CTSF: variants seen among roughly 807,000 people sequenced by gnomAD.
CTSF encodes cathepsin F.
CTSF carries 65 observed loss-of-function variants against 63.5 expected under a neutral mutation model. The ratio of observed to expected loss-of-function variants is 1.02; its 90% CI spans 0.84 to 1.26. The LOEUF (loss-of-function observed/expected upper bound fraction) is 1.26. Ranked by LOEUF, CTSF falls within the 50% of genes most tolerant of loss-of-function variation. The pLI is 0.00. For missense variants in CTSF, 641 were observed against 631.0 expected (o/e 1.02, Z -0.17); for synonymous variants, 256 against 258.1 (o/e 0.99, Z 0.08).
Position 66,566,373 on chromosome 11 carries a change from A to T in CTSF, c.639T>A (p.Asn213Lys), listed in dbSNP as rs146697999. Reference protein sequence around the residue: ...EARWRLSVFVNNMVRAQKIQA... With the variant: ...EARWRLSVFVKNMVRAQKIQA... ...GGATCTTCTGTGCTCGCACCATGTT[A>T]TTGACAAAGACGGACAGGCGCCACC... The change falls in exon 5 of 13, where the codon AAT becomes AAA. Residue 213 changes from asparagine (N) to lysine (K), a missense_variant. By Grantham distance (94) the Asn-to-Lys change is moderately conservative (BLOSUM62 0). Coordinates refer to ENST00000310325, the MANE Select transcript of CTSF (RefSeq NM_003793.4). The T allele has an allele frequency of 1.3e-5, 21 of 1,613,958 alleles. No homozygotes were observed. In the African/African-American group the frequency reaches 2.7e-4, roughly 21 times the overall value.
In CTSF at chr11:66,565,865, G is replaced by A; in HGVS notation, c.930C>T (p.Leu310=). Reference sequence around the variant, plus strand: ...AGAGGGAGAGCAGGGTCCCCTGGTTGAGAAACCACTGGCCCTCCACATTGC... The same window carrying A: ...AGAGGGAGAGCAGGGTCCCCTGGTTAAGAAACCACTGGCCCTCCACATTGC... ...VTGNVEGQWF[L]NQGTLLSLSE... Residue 310 remains leucine, a synonymous_variant, in exon 7 of 13, where the codon CTC becomes CTT. Coordinates refer to ENST00000310325, the MANE Select transcript of CTSF (RefSeq NM_003793.4). 6.2e-7 allele frequency: 1 copy of A among 1,614,048 alleles called. No homozygotes were observed.
Position 66,568,076 on chromosome 11 carries a change from G to GAC in CTSF, c.218_219dup (p.Gln74ValfsTer75), listed in dbSNP as rs1311704639. 4 of 1,591,594 alleles carry GAC rather than the reference G, an allele frequency of 2.5e-6. No homozygotes were observed. The highest frequency in any genetic ancestry group is 1.7e-4 in the Middle Eastern group (1 of 5,898). The stretch of plus-strand genomic sequence containing the variant: ...GCCTCCAGGGAGTACAGCGACCCCT[G>GAC]ACCCGCCTGGAGAGAGGAGTAGGTG... On this transcript the variant is annotated frameshift_variant, in exon 2 of 13. Coordinates refer to ENST00000310325, the MANE Select transcript of CTSF (RefSeq NM_003793.4). LOFTEE classifies it high-confidence loss of function.
At position 66,563,980 on chromosome 11, in the gene CTSF, C is replaced by T. The variant is rs201552564; in HGVS notation, c.1408G>A (p.Gly470Arg). ...GCCATGGTGTTCACGCCACAGGCCCCGGACCCACGATGCAAGTAGTAGTAA... is the reference window on the plus strand; with the variant it reads ...GCCATGGTGTTCACGCCACAGGCCCTGGACCCACGATGCAAGTAGTAGTAA... ...KGYYYLHRGS[G>R]ACGVNTMASS... The change falls in exon 13 of 13, where the codon GGG becomes AGG. Residue 470 changes from glycine to arginine, a missense_variant. Physicochemically the swap from Gly to Arg is moderately radical, Grantham distance 125. Coordinates refer to ENST00000310325, the MANE Select transcript of CTSF (RefSeq NM_003793.4). The T allele has an allele frequency of 2.2e-5, 35 of 1,613,804 alleles. No homozygotes were observed. Among genetic ancestry groups the T allele is most frequent in the African/African-American group, 4.0e-5 (3 of 75,036 alleles).
chr11:66,566,817 A>G, intron 4 of CTSF, among the ~76,000 whole-genome samples: 1 of 151,288 alleles, frequency 6.6e-6, no homozygotes, highest in East Asian at 1.9e-4. Flanking sequence ...TCCGCCTCCC[A>G]GGTTCAAGTG....
At chr11:66,564,280 G>T in intron 11 of CTSF, 134 bp from the exon 12 acceptor site, 1 of 1,171,706 alleles carries the variant, frequency 8.5e-7, no homozygotes, top group Non-Finnish European at 1.2e-6. Flanking sequence ...GAAAGCGAGG[G>T]GCCCACCTAC....
rs1325361491 is a variant in CTSF at position 66,566,462 on chromosome 11, C to T, written c.608-58G>A. 3 of 1,526,430 alleles carry T rather than the reference C, an allele frequency of 2.0e-6. No homozygotes were observed. In the Admixed American group the frequency reaches 5.4e-5, roughly 27 times the overall value. The allele number at this position is 1,526,430 out of a possible 1,614,324, so 94.6% of individuals were successfully genotyped here. On this transcript the variant is annotated intron_variant, in intron 4 of 12. Coordinates refer to ENST00000310325, the MANE Select transcript of CTSF (RefSeq NM_003793.4). ...GACCCCAGGCAGATAAAAGGAAGGG[C>T]AATTGGGGCTAGCAGGCAGGGGTTT...
Position 66,567,547 on chromosome 11 carries a change from T to C in CTSF, c.428A>G (p.Gln143Arg). The C allele has an allele frequency of 6.2e-7, 1 of 1,614,212 alleles. No homozygotes were observed. Among genetic ancestry groups the C allele is most frequent in the Non-Finnish European group, 8.5e-7 (1 of 1,180,036 alleles). The change falls in exon 3 of 13, where the codon CAG (glutamine) becomes CGG (arginine). Residue 143 changes from glutamine (Q) to arginine (R), a missense_variant. By Grantham distance (43) the Gln-to-Arg change is conservative (BLOSUM62 1). Transcript: ENST00000310325. ...CAGAGAAGAAATCATGGCTGAGCCC[T>C]GAGTGAAGGCTGACTTGGGCTCCCC... ...GAGEPKSAFT[Q>R]GSAMISSLSQ...
intron 11 of CTSF, 148 bp from the exon 12 acceptor site, chr11:66,564,294 C>A: frequency 1.9e-6 from 2 of 1,054,156 alleles, no homozygotes; most frequent in Non-Finnish European, 2.7e-6. Context: ...CACCTACCAG[C>A]CTCAGGGAGA....
intron 2 of CTSF, 150 bp downstream of exon 2, chr11:66,567,834 A>AT: frequency 7.3e-7 from 1 of 1,361,948 alleles, no homozygotes; most frequent in Non-Finnish European, 9.9e-7. Context: ...CCTTCATAGC[A>AT]TCTTGGTTTC....
intron 2 of CTSF, 32 bp from the exon 3 acceptor site, chr11:66,567,694 C>CCTGGAT (rs756076962): frequency 7.5e-6 from 12 of 1,598,044 alleles, no homozygotes; most frequent in South Asian, 6.7e-5. Flanking sequence ...GCTCTGGGGG[C>CCTGGAT]CTGGATCTGG....
intron 8 of CTSF, 79 bp from the exon 9 acceptor site, chr11:66,565,085 C>T (rs1177366255): frequency 4.7e-6 from 7 of 1,503,540 alleles, no homozygotes; most frequent in South Asian, 4.1e-5. Context: ...AAGCCCTCTA[C>T]GCGAGGTTTC....
Position 66,568,571 on chromosome 11 carries a change from T to G in CTSF, c.-85A>C. 1 of 1,401,054 alleles carries G rather than the reference T, an allele frequency of 7.1e-7. No individual in the cohort carries two copies. Among genetic ancestry groups the G allele is most frequent in the Non-Finnish European group, 9.3e-7 (1 of 1,074,986 alleles). 86.8% of individuals were successfully genotyped at this position (1,401,054 alleles called of 1,614,324 possible). On this transcript the variant is annotated 5_prime_UTR_variant, in exon 1 of 13. Transcript: ENST00000310325. ...GAGCCCGCGGCCAGCGGGGCCTGAGTCCTCCCTCCAGCGGGGCGACGGCAC... is the reference window on the plus strand; with the variant it reads ...GAGCCCGCGGCCAGCGGGGCCTGAGGCCTCCCTCCAGCGGGGCGACGGCAC...
At position 66,568,452 on chromosome 11, in the gene CTSF, C is replaced by T. The variant is rs1369575989; in HGVS notation, c.35G>A (p.Gly12Glu). The part of the protein sequence containing the change: ...APWLQLLSLL[G>E]LLPGAVAAPA... ...GGCGGCCACTGCGCCCGGGAGCAGC[C>T]CCAGCAGCGACAGGAGCTGCAGCCA... Residue 12 changes from glycine (G) to glutamate (E), a missense_variant, in exon 1 of 13, where the codon GGG becomes GAG. Coordinates refer to ENST00000310325, the MANE Select transcript of CTSF (RefSeq NM_003793.4). 10 of 1,437,440 alleles carry T rather than the reference C, an allele frequency of 7.0e-6. No homozygotes were observed. The highest frequency in any genetic ancestry group is 9.1e-6 in the Non-Finnish European group (10 of 1,104,302). 89.0% of individuals were successfully genotyped at this position (1,437,440 alleles called of 1,614,324 possible).
intron 4 of CTSF, 130 bp from the exon 5 acceptor site, chr11:66,566,534 G>T: frequency 1.3e-6 from 1 of 768,864 alleles, no homozygotes; most frequent in Non-Finnish European, 2.1e-6. Context: ...AAGTGATGGA[G>T]TGGGAGGTCT....
In CTSF at chr11:66,567,540, T is replaced by G; in HGVS notation, c.435A>C (p.Ser145=). The G allele has an allele frequency of 6.2e-7, 1 of 1,614,242 alleles. No individual in the cohort carries two copies. Among genetic ancestry groups the G allele is most frequent in the East Asian group, 2.2e-5 (1 of 44,890 alleles). The change falls in exon 3 of 13, where the codon TCA becomes TCC. Residue 145 remains serine, a synonymous_variant. Coordinates refer to ENST00000310325, the MANE Select transcript of CTSF (RefSeq NM_003793.4). The stretch of plus-strand genomic sequence containing the variant: ...TTTGGGACAGAGAAGAAATCATGGC[T>G]GAGCCCTGAGTGAAGGCTGACTTGG... ...GEPKSAFTQG[S]AMISSLSQNH... is the part of the protein sequence containing the mutation.
Position 66,568,442 on chromosome 11 carries a change from C to T in CTSF, c.45G>A (p.Pro15=). The T allele has an allele frequency of 1.4e-6, 2 of 1,386,062 alleles. No individual in the cohort carries two copies. Among genetic ancestry groups the T allele is most frequent in the African/African-American group, 1.5e-5 (1 of 65,950 alleles). The allele number at this position is 1,386,062 out of a possible 1,614,324, so 85.9% of individuals were successfully genotyped here. Residue 15 remains proline, a synonymous_variant, in exon 1 of 13, where the codon CCG becomes CCA. Coordinates refer to ENST00000310325, the MANE Select transcript of CTSF (RefSeq NM_003793.4). The stretch of plus-strand genomic sequence containing the variant: ...GCTGGGCGGGGGCGGCCACTGCGCC[C>T]GGGAGCAGCCCCAGCAGCGACAGGA... ...LQLLSLLGLL[P]GAVAAPAQPR... is the part of the protein sequence containing the mutation.
At position 66,566,349 on chromosome 11, in the gene CTSF, G is replaced by A; in HGVS notation, c.663C>T (p.Ile221=). The part of the protein sequence containing the change: ...FVNNMVRAQK[I]QALDRGTAQY... ...GAGCTGTGCCACGGTCCAGGGCCTG[G>A]ATCTTCTGTGCTCGCACCATGTTAT... The change falls in exon 5 of 13, where the codon ATC becomes ATT. Residue 221 remains isoleucine (I), a synonymous_variant. Transcript: ENST00000310325. 6.2e-7 allele frequency: 1 copy of A among 1,614,186 alleles called. No homozygotes were observed. The highest frequency in any genetic ancestry group is 1.1e-5 in the South Asian group (1 of 91,084).
At chr11:66,564,200 C>G in intron 11 of CTSF, 54 bp from the exon 12 acceptor site, 1 of 1,568,178 alleles carries the variant, frequency 6.4e-7, no homozygotes, top group South Asian at 1.2e-5. Context: ...CCAGGCAGAG[C>G]CTTAATCACT....
At chr11:66,567,807 G>T in intron 2 of CTSF, 145 bp from the exon 3 acceptor site, 2 of 1,369,446 alleles carry the variant, frequency 1.5e-6, no homozygotes, top group Non-Finnish European at 9.8e-7. Flanking sequence ...GGCACGGCCT[G>T]CACCGGGGCA....
Sources: gnomAD v4.1 joint callset for allele counts (sites outside exome capture counted in the v4.1 genomes callset) on GRCh38, gnomAD v4.1.1 for gene constraint, MANE v1.5 for transcripts, NCBI Gene and HGNC (gene_info 2026-07-23, HGNC 2026-07-21) for gene names.